The following ANTXR1 variants were observed in gnomAD, a reference collection of about 807,000 sequenced individuals.
The protein encoded by ANTXR1 is ANTXR cell adhesion molecule 1.
In ANTXR1, 19 loss-of-function variants were observed where a neutral mutation model predicts 78.1. The ratio of observed to expected loss-of-function variants is 0.24; its 90% CI spans 0.17 to 0.36. The LOEUF (loss-of-function observed/expected upper bound fraction) is 0.36, where lower values mean the gene tolerates loss of function less well. ANTXR1 is among the 10% of genes least tolerant of loss of function. ANTXR1 has a pLI of 1.00. For synonymous variants in ANTXR1, 273 were observed against 260.5 expected (o/e 1.05, Z -0.46); for missense variants, 518 against 718.6 (o/e 0.72, Z 3.19).
chr2:69,245,260 C>A lies in ANTXR1; in HGVS notation c.1470C>A (p.Asn490Lys). Reference sequence around the variant, plus strand: ...TCAACTTCACCAGGGTCAAGAACAACCAGCCAGCCAAGTACCCACTCAACA... The same window carrying A: ...TCAACTTCACCAGGGTCAAGAACAAACAGCCAGCCAAGTACCCACTCAACA... ...RCINFTRVKN[N>K]QPAKYPLNNA... Residue 490 changes from asparagine to lysine, a missense_variant, in exon 18 of 18, where the codon AAC (asparagine) becomes AAA (lysine). By Grantham distance (94) the Asn-to-Lys change is moderately conservative. Around this residue, in one of 5 missense-constraint regions of ANTXR1, gnomAD observed 192 missense variants for 230.2 expected, o/e 0.83. Transcript: ENST00000303714. The A allele has an allele frequency of 6.2e-7, 1 of 1,613,942 alleles. No homozygotes were observed. Among genetic ancestry groups the A allele is most frequent in the South Asian group, 1.1e-5 (1 of 91,054 alleles).
chr2:69,100,338 C>A (rs963590135), intron 9 of ANTXR1, among the ~76,000 whole-genome samples: 56 of 152,196 alleles, frequency 3.7e-4, no homozygotes, highest in Admixed American at 3.2e-3. Flanking sequence ...CACAGAAACC[C>A]TATCAGGCAG....
intron 16 of ANTXR1, among the ~76,000 whole-genome samples, chr2:69,184,560 C>A (rs1378887352): frequency 6.6e-6 from 1 of 152,162 alleles, no homozygotes; most frequent in African/African-American, 2.4e-5. Context: ...TTGGTTACAG[C>A]CAGGTTTTTG....
rs202180284 is a variant in ANTXR1 at position 69,155,666 on chromosome 2, GA to G, written c.1047+3405del. On this transcript the variant is annotated intron_variant, in intron 13 of 17. Coordinates refer to ENST00000303714, the MANE Select transcript of ANTXR1 (RefSeq NM_032208.3). ...ATGAATGGCTTGAATGTGTAGGGGG[GA>G]AAGTCATCAATGAATCAGTGACATT... 1.3e-4 allele frequency among the ~76,000 whole-genome samples: 20 copies of G among 152,264 alleles called. No individual in the cohort carries two copies. The East Asian group carries it at 3.3e-3, about 25-fold the overall frequency.
intron 17 of ANTXR1, among the ~76,000 whole-genome samples, chr2:69,214,148 A>C (rs1675120965): frequency 6.6e-6 from 1 of 152,232 alleles, no homozygotes; most frequent in Admixed American, 6.5e-5. Context: ...GGTCCAGGAG[A>C]GCATTTCTGG....
At chr2:69,233,233 A>G (rs1675671441) in intron 17 of ANTXR1, among the ~76,000 whole-genome samples, 1 of 152,118 alleles carries the variant, frequency 6.6e-6, no homozygotes, top group Non-Finnish European at 1.5e-5. Flanking sequence ...TCAGAAATAC[A>G]GAACATATAA....
At chr2:69,034,607 C>T (rs189372936) in intron 1 of ANTXR1, among the ~76,000 whole-genome samples, 72 of 152,260 alleles carry the variant, frequency 4.7e-4, no homozygotes, top group Non-Finnish European at 8.8e-4. Flanking sequence ...ATTTCTAGAA[C>T]GTGGCACTGC....
chr2:69,120,818 A>G (rs1277533529), intron 10 of ANTXR1, among the ~76,000 whole-genome samples: 3 of 152,228 alleles, frequency 2.0e-5, no homozygotes, highest in Admixed American at 6.5e-5. Flanking sequence ...ATATGAGGAT[A>G]ACCTCCAGTA....
rs538247998 is a variant in ANTXR1 at position 69,247,430 on chromosome 2, C to T, written c.*1945C>T. 2.4e-3 allele frequency: 364 copies of T among 153,022 alleles called. No individual in the cohort carries two copies. The highest frequency in any genetic ancestry group is 6.8e-3 in the Middle Eastern group (2 of 294). The allele number at this position is 153,022 out of a possible 1,614,324, so 9.5% of individuals were successfully genotyped here. A position where few individuals can be genotyped will look rare whatever the true frequency, so the allele number is the denominator to read the frequency against. ...GGTGTACCTCCAACCCTAGCCTTCT[C>T]CCACAGCTGCCTACAACAGAGTCTC... is the stretch of plus-strand genomic sequence containing the variant. On this transcript the variant is annotated 3_prime_UTR_variant, in exon 18 of 18. Coordinates refer to ENST00000303714, the MANE Select transcript of ANTXR1 (RefSeq NM_032208.3).
intron 14 of ANTXR1, chr2:69,172,383 A>AAAATT (rs761844259): frequency 1.9e-6 from 3 of 1,612,260 alleles, no homozygotes; most frequent in Non-Finnish European, 2.5e-6. Context: ...AAAATAAAAT[A>AAAATT]ACAAGAAGAA....
chr2:69,082,045 A>G (rs986987310), intron 8 of ANTXR1, among the ~76,000 whole-genome samples: 10 of 152,238 alleles, frequency 6.6e-5, no homozygotes, highest in African/African-American at 2.4e-4. Flanking sequence ...CTACTAAACA[A>G]TGCAGGCAGG....
At position 69,015,772 on chromosome 2, in the gene ANTXR1, AAAAT is replaced by A. The variant is rs1671008715; in HGVS notation, c.152+2124_152+2127del. On this transcript the variant is annotated intron_variant, in intron 1 of 17. Coordinates refer to ENST00000303714, the MANE Select transcript of ANTXR1 (RefSeq NM_032208.3). The stretch of plus-strand genomic sequence containing the variant: ...TAAAATTTTACACTTCTATAAATGA[AAAAT>A]AAGCCATGAAAAAACATAAGAAGTT... Among the ~76,000 whole-genome samples the A allele has an allele frequency of 2.6e-5, 4 of 152,300 alleles. No homozygotes were observed. In the South Asian group the frequency reaches 8.3e-4, roughly 32 times the overall value.
chr2:69,215,026 A>G (rs1675141448), intron 17 of ANTXR1, among the ~76,000 whole-genome samples: 1 of 152,134 alleles, frequency 6.6e-6, no homozygotes, highest in Non-Finnish European at 1.5e-5. Context: ...TGCACGACCC[A>G]CATCTGGTCC....
At chr2:69,180,192 T>C (rs1674238361) in intron 14 of ANTXR1, among the ~76,000 whole-genome samples, 1 of 152,256 alleles carries the variant, frequency 6.6e-6, no homozygotes, top group Admixed American at 6.5e-5. Context: ...CTTTGCTTTT[T>C]TGCACCTTGC....
intron 12 of ANTXR1, among the ~76,000 whole-genome samples, chr2:69,129,729 A>G (rs1476963809): frequency 1.3e-5 from 2 of 151,566 alleles, no homozygotes; most frequent in African/African-American, 2.4e-5. Flanking sequence ...CCAGCCTGGT[A>G]ACAGAGCAAG....
intron 9 of ANTXR1, among the ~76,000 whole-genome samples, chr2:69,093,089 C>A (rs1429298391): frequency 6.6e-6 from 1 of 152,126 alleles, no homozygotes; most frequent in Admixed American, 6.5e-5. Flanking sequence ...ATAATGAATT[C>A]CCTTCCTGTA....
intron 13 of ANTXR1, among the ~76,000 whole-genome samples, chr2:69,164,065 T>A (rs1260996473): frequency 6.6e-6 from 1 of 152,204 alleles, no homozygotes; most frequent in Non-Finnish European, 1.5e-5. Flanking sequence ...AGACTGTGCG[T>A]GTAGTTTTCA....
chr2:69,102,217 T>TAGG (rs1208066222), intron 9 of ANTXR1, among the ~76,000 whole-genome samples: 1 of 152,202 alleles, frequency 6.6e-6, no homozygotes, highest in Non-Finnish European at 1.5e-5. Flanking sequence ...CCAGTAGAGA[T>TAGG]AGGAATGCCA....
chr2:69,204,561 T>A (rs1357901215), intron 17 of ANTXR1, among the ~76,000 whole-genome samples: 1 of 152,154 alleles, frequency 6.6e-6, no homozygotes, highest in East Asian at 1.9e-4. Context: ...AAGATGAGGC[T>A]CAGATAAGAT....
chr2:69,076,490 T>G (rs1315937212), intron 7 of ANTXR1, among the ~76,000 whole-genome samples: 3 of 152,222 alleles, frequency 2.0e-5, no homozygotes, highest in Admixed American at 2.0e-4. Flanking sequence ...TTCTTTTTGT[T>G]TTAATGGCAT....
Sources: allele counts gnomAD v4.1 joint callset (sites outside exome capture counted in the v4.1 genomes callset), GRCh38; gene constraint gnomAD v4.1.1; regional missense constraint gnomAD v4.1.1; transcripts MANE v1.5; gene names NCBI Gene and HGNC (gene_info 2026-07-23, HGNC 2026-07-21).